Variants in UNC5A observed in about 807,000 individuals in gnomAD.
UNC5A encodes the protein unc-5 netrin receptor A, also known as netrin receptor UNC5A.
UNC5A carries 20 observed loss-of-function variants against 87.4 expected under a neutral mutation model. That is an observed-to-expected ratio of 0.23 (90% CI 0.16 to 0.33). The LOEUF is 0.33. UNC5A is among the 10% of genes least tolerant of loss of function. The probability of loss-of-function intolerance (pLI) is 1.00; values close to 1 mark genes in which losing one functional copy is unlikely to be tolerated. For missense variants in UNC5A, 844 were observed against 1,133.4 expected, an observed-to-expected ratio of 0.74 and a Z score of 3.67; for synonymous variants, 438 against 482.3, an observed-to-expected ratio of 0.91 and a Z score of 1.20.
Position 176,862,760 on chromosome 5 carries a change from C to T in UNC5A, c.207C>T (p.Pro69=), listed in dbSNP as rs371522227. The change falls in exon 2 of 15, where the codon CCC becomes CCT. Residue 69 remains proline, a synonymous_variant. Coordinates refer to ENST00000329542, the MANE Select transcript of UNC5A (RefSeq NM_133369.3). ...TGCTGCTTGTGTGCAAGGCCGTGCC[C>T]GCCACGCAGATCTTCTTCAAGTGCA... ...KPVLLVCKAV[P]ATQIFFKCNG... is the part of the protein sequence containing the mutation. 1.6e-5 allele frequency: 26 copies of T among 1,613,486 alleles called. No individual in the cohort carries two copies. The highest frequency in any genetic ancestry group is 1.2e-4 in the African/African-American group (9 of 74,940).
rs544266330 is a variant in UNC5A at position 176,877,288 on chromosome 5, G to A, written c.1466+9G>A. The A allele has an allele frequency of 1.5e-5, 24 of 1,609,388 alleles. No homozygotes were observed. The highest frequency in any genetic ancestry group is 7.7e-5 in the South Asian group (7 of 90,932). Reference sequence around the variant, plus strand: ...AAGCCGGAAGACGTGAGGTGTGGCCGCGGGCCCTGTTGCCGGGGGTGGGAG... The same window carrying A: ...AAGCCGGAAGACGTGAGGTGTGGCCACGGGCCCTGTTGCCGGGGGTGGGAG... On this transcript the variant is annotated intron_variant, in intron 9 of 14. Transcript: ENST00000329542.
At chr5:176,825,975 T>C (rs909401041) in intron 1 of UNC5A, among the ~76,000 whole-genome samples, 6 of 152,202 alleles carry the variant, frequency 3.9e-5, no homozygotes, top group Non-Finnish European at 5.9e-5. Context: ...AGGACAGTCC[T>C]GGAAGAGGTG....
At chr5:176,842,817 C>T (rs990472534) in intron 1 of UNC5A, among the ~76,000 whole-genome samples, 2 of 152,030 alleles carry the variant, frequency 1.3e-5, no homozygotes, top group Non-Finnish European at 2.9e-5. Context: ...CTTACGTAAC[C>T]GAATACCACC....
rs566602806 is a variant in UNC5A at position 176,872,101 on chromosome 5, C to A, written c.886+1567C>A. Among the ~76,000 whole-genome samples, 171 of 108,184 alleles carry A rather than the reference C, an allele frequency of 1.6e-3. 3 individuals are homozygous for A. Among genetic ancestry groups the A allele is most frequent in the African/African-American group, 5.4e-3 (153 of 28,590 alleles). 71.0% of individuals were successfully genotyped at this position (108,184 alleles called of 152,430 possible). A position where few individuals can be genotyped will look rare whatever the true frequency, so the allele number is the denominator to read the frequency against. Reference sequence around the variant, plus strand: ...CCCCACACCACAGCTTCCCATCTGCCCACACTCACCCCACACCACAGCCTC... The same window carrying A: ...CCCCACACCACAGCTTCCCATCTGCACACACTCACCCCACACCACAGCCTC... On this transcript the variant is annotated intron_variant, in intron 6 of 14. Coordinates refer to ENST00000329542, the MANE Select transcript of UNC5A (RefSeq NM_133369.3).
intron 6 of UNC5A, 121 bp downstream of exon 6, chr5:176,870,655 G>T: frequency 8.5e-7 from 1 of 1,172,990 alleles, no homozygotes; most frequent in Non-Finnish European, 1.2e-6. Context: ...TCCAGGCTCA[G>T]GACCCACTGA....
In UNC5A at chr5:176,810,962, G is replaced by A; in HGVS notation, c.70+142G>A. On this transcript the variant is annotated intron_variant, in intron 1 of 14. Transcript: ENST00000329542. The surrounding 1 kb of genome is among the most constrained non-coding windows in gnomAD (Gnocchi z 7.3). ...CAAACTTTGCGAGGCGGGACGCGGG[G>A]GGCTCTTCTTGCTGCTGCGCAGCTT... 1 of 676,892 alleles carries A rather than the reference G, an allele frequency of 1.5e-6. No homozygotes were observed. The highest frequency in any genetic ancestry group is 1.9e-6 in the Non-Finnish European group (1 of 515,806). 41.9% of individuals were successfully genotyped at this position (676,892 alleles called of 1,614,324 possible).
At chr5:176,832,686 G>T (rs183892108) in intron 1 of UNC5A, among the ~76,000 whole-genome samples, 7 of 152,160 alleles carry the variant, frequency 4.6e-5, no homozygotes, top group Non-Finnish European at 8.8e-5. Flanking sequence ...CACACCAAGG[G>T]GTGTTGAGCC....
chr5:176,840,789 G>A (rs548935295), intron 1 of UNC5A, among the ~76,000 whole-genome samples: 2 of 152,352 alleles, frequency 1.3e-5, no homozygotes, highest in African/African-American at 2.4e-5. Flanking sequence ...TGGGACAAAC[G>A]GGACCAGACG....
chr5:176,862,257 A>G (rs1757859166), intron 1 of UNC5A, among the ~76,000 whole-genome samples: 1 of 152,008 alleles, frequency 6.6e-6, no homozygotes, highest in Non-Finnish European at 1.5e-5. Context: ...CTGGCCAGGG[A>G]CCTTCTCACC....
chr5:176,864,733 C>T, intron 2 of UNC5A: 1 of 425,244 alleles, frequency 2.4e-6, no homozygotes, highest in Non-Finnish European at 4.8e-6. Context: ...GTTCGCTGAG[C>T]ACCTGCTCTG....
intron 11 of UNC5A, 52 bp from the exon 12 acceptor site, chr5:176,878,192 T>A (rs951009882): frequency 6.2e-7 from 1 of 1,603,108 alleles, no homozygotes; most frequent in Non-Finnish European, 8.5e-7. Context: ...GTGGACTGCC[T>A]GCCTTGGGCG....
intron 1 of UNC5A, among the ~76,000 whole-genome samples, chr5:176,818,821 C>T (rs1267817445): frequency 6.6e-6 from 1 of 152,212 alleles, no homozygotes; most frequent in Non-Finnish European, 1.5e-5. Flanking sequence ...CATCCCCATG[C>T]TGCCTCCTGA....
chr5:176,823,028 A>G (rs1756766254), intron 1 of UNC5A, among the ~76,000 whole-genome samples: 1 of 152,080 alleles, frequency 6.6e-6, no homozygotes, highest in African/African-American at 2.4e-5. Context: ...GGAGGCAAGG[A>G]GACCAGCCGG....
rs541683932 is a variant in UNC5A at position 176,880,079 on chromosome 5, G to A, written c.*193G>A. 34 of 722,914 alleles carry A rather than the reference G, an allele frequency of 4.7e-5. No individual in the cohort carries two copies. The highest frequency in any genetic ancestry group is 5.2e-5 in the Non-Finnish European group (24 of 458,412). 44.8% of individuals were successfully genotyped at this position (722,914 alleles called of 1,614,324 possible). On this transcript the variant is annotated 3_prime_UTR_variant, in exon 15 of 15. Transcript: ENST00000329542. Reference sequence around the variant, plus strand: ...CACCTCTCCATGGCCTGCCTAGCCAGGCTGGCACTGCCACTCACACTCGGC... The same window carrying A: ...CACCTCTCCATGGCCTGCCTAGCCAAGCTGGCACTGCCACTCACACTCGGC...
chr5:176,864,543 T>C (rs1757924080), intron 2 of UNC5A, among the ~76,000 whole-genome samples: 1 of 152,180 alleles, frequency 6.6e-6, no homozygotes, highest in East Asian at 1.9e-4. Context: ...CATTTTACGG[T>C]TGAGACTGAG....
intron 1 of UNC5A, among the ~76,000 whole-genome samples, chr5:176,850,321 G>T (rs889246432): frequency 2.6e-5 from 4 of 152,222 alleles, no homozygotes; most frequent in Non-Finnish European, 5.9e-5. Flanking sequence ...GGGAACCATT[G>T]CAGGGGTTTG....
chr5:176,811,310 AAC>A (rs1407665156), intron 1 of UNC5A, among the ~76,000 whole-genome samples: 1 of 152,148 alleles, frequency 6.6e-6, no homozygotes. Context: ...CCACGTCCAG[AAC>A]ACAGTGTCCT....
chr5:176,828,142 G>A (rs915572719), intron 1 of UNC5A, among the ~76,000 whole-genome samples: 5 of 152,144 alleles, frequency 3.3e-5, no homozygotes, highest in African/African-American at 1.2e-4. Context: ...GCCGTTTTGT[G>A]TGTGTGTCTT....
In UNC5A at chr5:176,864,398, G is replaced by A. The variant is rs184355390; in HGVS notation, c.292+1553G>A. Among the ~76,000 whole-genome samples the A allele has an allele frequency of 3.3e-3, 496 of 152,356 alleles. 6 individuals are homozygous for A. The highest frequency in any genetic ancestry group is 0.01 in the Middle Eastern group (3 of 294). On this transcript the variant is annotated intron_variant, in intron 2 of 14. Coordinates refer to ENST00000329542, the MANE Select transcript of UNC5A (RefSeq NM_133369.3). ...GTCGCACTTGCACTGTAGGAAGACC[G>A]TGCTGGGCACAGGGAGACTGGAGGA...
Sources: gnomAD v4.1 joint callset for allele counts (sites outside exome capture counted in the v4.1 genomes callset) on GRCh38, gnomAD v4.1.1 for gene constraint, Gnocchi (gnomAD v3.1) non-coding constraint, MANE v1.5 for transcripts, NCBI Gene and HGNC (gene_info 2026-07-23, HGNC 2026-07-21) for gene names.